FOXP2: variants seen among roughly 807,000 people sequenced by gnomAD.
FOXP2 encodes forkhead box P2, also known as forkhead box protein P2.
A neutral mutation model predicts 115.8 loss-of-function variants in FOXP2; 12 were observed. The observed-to-expected ratio is 0.10, with a 90% CI of 0.07 to 0.17. The LOEUF (loss-of-function observed/expected upper bound fraction) is 0.17. FOXP2 is among the 10% of genes least tolerant of loss of function. FOXP2 has a pLI of 1.00. For missense variants in FOXP2, 629 were observed against 843.5 expected (o/e 0.75, Z 3.15); for synonymous variants, 328 against 297.7 (o/e 1.10, Z -1.05).
At chr7:114,575,089 C>T (rs1269553752) in intron 3 of FOXP2, among the ~76,000 whole-genome samples, 1 of 151,780 alleles carries the variant, frequency 6.6e-6, no homozygotes, top group Non-Finnish European at 1.5e-5. Context: ...TGAGGCTTTA[C>T]ATAAATCCTA....
At chr7:114,564,797 C>T (rs909797607) in intron 3 of FOXP2, among the ~76,000 whole-genome samples, 8 of 150,374 alleles carry the variant, frequency 5.3e-5, no homozygotes, top group Non-Finnish European at 8.8e-5. Flanking sequence ...GAGAGGATTA[C>T]TTGATCCTAA....
intron 2 of FOXP2, among the ~76,000 whole-genome samples, chr7:114,515,864 A>T (rs1798315369): frequency 1.3e-5 from 2 of 152,130 alleles, no homozygotes; most frequent in African/African-American, 4.8e-5. Flanking sequence ...GATGTGAAGG[A>T]CCTCTTCAAG....
Position 114,491,091 on chromosome 7 carries a change from A to G in FOXP2, c.169-43526A>G, listed in dbSNP as rs950828578. Among the ~76,000 whole-genome samples, 17 of 152,332 alleles carry G rather than the reference A, an allele frequency of 1.1e-4. No homozygotes were observed. The East Asian group carries it at 2.3e-3, about 21-fold the overall frequency. On this transcript the variant is annotated intron_variant, in intron 2 of 16. Coordinates refer to ENST00000350908, the MANE Select transcript of FOXP2 (RefSeq NM_014491.4). ...CTGAGGAATCGCCACACTGACTTCCACAATGGTTGAACTAGTTTACAGACC... is the reference window on the plus strand; with the variant it reads ...CTGAGGAATCGCCACACTGACTTCCGCAATGGTTGAACTAGTTTACAGACC...
At chr7:114,117,777 G>A (rs62468059) in intron 1 of FOXP2, among the ~76,000 whole-genome samples, 2,560 of 152,200 alleles carry the variant, frequency 0.017, 36 homozygotes, top group Non-Finnish European at 0.026. Flanking sequence ...CAACAAAAAT[G>A]TATTTCTCTT....
chr7:114,212,179 G>C (rs1473594917), intron 1 of FOXP2, among the ~76,000 whole-genome samples: 1 of 151,278 alleles, frequency 6.6e-6, no homozygotes, highest in Non-Finnish European at 1.5e-5. Flanking sequence ...AGTGCAGACA[G>C]GATCTTAAAA....
At chr7:114,189,091 C>T (rs1245660908) in intron 1 of FOXP2, among the ~76,000 whole-genome samples, 1 of 152,022 alleles carries the variant, frequency 6.6e-6, no homozygotes, top group Non-Finnish European at 1.5e-5. Context: ...AAAAAATGTG[C>T]TTAACTTCCT....
intron 8 of FOXP2, among the ~76,000 whole-genome samples, chr7:114,649,668 T>G (rs1412552750): frequency 6.6e-6 from 1 of 152,130 alleles, no homozygotes; most frequent in Non-Finnish European, 1.5e-5. Flanking sequence ...ACTATTTCTG[T>G]ACTTTGATTG....
intron 2 of FOXP2, among the ~76,000 whole-genome samples, chr7:114,385,349 C>T (rs1352652721): frequency 3.9e-5 from 6 of 152,154 alleles, no homozygotes; most frequent in Admixed American, 6.5e-5. Context: ...TTTGCGGCTA[C>T]GCTTTCAAGA....
intron 3 of FOXP2, among the ~76,000 whole-genome samples, chr7:114,556,848 GA>G (rs1800483686): frequency 6.6e-6 from 1 of 152,024 alleles, no homozygotes; most frequent in Non-Finnish European, 1.5e-5. Flanking sequence ...ATCTCTATAA[GA>G]ATATCAGATA....
At chr7:114,377,239 G>C (rs1414968121) in intron 2 of FOXP2, among the ~76,000 whole-genome samples, 1 of 152,172 alleles carries the variant, frequency 6.6e-6, no homozygotes, top group Non-Finnish European at 1.5e-5. Context: ...AATATAGAAT[G>C]AGAAATCCAA....
chr7:114,393,062 C>T (rs1232650912), intron 2 of FOXP2, among the ~76,000 whole-genome samples: 1 of 152,070 alleles, frequency 6.6e-6, no homozygotes, highest in Non-Finnish European at 1.5e-5. Flanking sequence ...ATATAATGAA[C>T]TTAGCATAGT....
chr7:114,276,750 A>C (rs993192337), intron 1 of FOXP2, among the ~76,000 whole-genome samples: 1 of 152,104 alleles, frequency 6.6e-6, no homozygotes, highest in Non-Finnish European at 1.5e-5. Context: ...AGTGGTTTGC[A>C]CTGCATCCTG....
chr7:114,435,911 C>A (rs1198620413), intron 2 of FOXP2, among the ~76,000 whole-genome samples: 1 of 152,008 alleles, frequency 6.6e-6, no homozygotes, highest in Non-Finnish European at 1.5e-5. Context: ...AAAATGATGG[C>A]AGATTTATAT....
At position 114,176,290 on chromosome 7, in the gene FOXP2, TTCTTTCTTTC is replaced by T. The variant is rs756717020; in HGVS notation, c.-102+13206_-102+13215del. On this transcript the variant is annotated intron_variant, in intron 1 of 17. Coordinates refer to the FOXP2 transcript ENST00000634411. The stretch of plus-strand genomic sequence containing the variant: ...TTTCTTTCTTTCTTTCTTTCTTTCT[TTCTTTCTTTC>T]TCTCTCTCTCTCTCTCTCTCTTTCT... 3.4e-3 allele frequency among the ~76,000 whole-genome samples: 127 copies of T among 37,722 alleles called. 1 individual carries two copies. The highest frequency in any genetic ancestry group is 6.1e-3 in the Non-Finnish European group (78 of 12,736). The allele number at this position is 37,722 out of a possible 152,430, so 24.7% of individuals were successfully genotyped here.
chr7:114,538,138 A>G (rs1190016748), intron 3 of FOXP2, among the ~76,000 whole-genome samples: 1 of 151,700 alleles, frequency 6.6e-6, no homozygotes, highest in African/African-American at 2.4e-5. Context: ...TAGAAAGAGT[A>G]AGTTAACACA....
intron 3 of FOXP2, among the ~76,000 whole-genome samples, chr7:114,627,292 G>A (rs1804643763): frequency 2.0e-5 from 3 of 151,636 alleles, no homozygotes; most frequent in South Asian, 2.1e-4. Context: ...ATCTTTTTTG[G>A]TTTTGAAAGA....
intron 2 of FOXP2, among the ~76,000 whole-genome samples, chr7:114,292,346 G>C (rs1432539121): frequency 6.6e-6 from 1 of 152,130 alleles, no homozygotes; most frequent in African/African-American, 2.4e-5. Context: ...TTTTCATAGA[G>C]TTTTCTTACA....
At chr7:114,655,287 T>G (rs188992761) in intron 10 of FOXP2, among the ~76,000 whole-genome samples, 3 of 152,270 alleles carry the variant, frequency 2.0e-5, no homozygotes, top group African/African-American at 7.2e-5. Flanking sequence ...TTCCAATTAA[T>G]TATTCAATCA....
chr7:114,480,456 G>A (rs1017111269), intron 2 of FOXP2, among the ~76,000 whole-genome samples: 1 of 151,140 alleles, frequency 6.6e-6, no homozygotes, highest in Non-Finnish European at 1.5e-5. Context: ...AGAAAAAAAA[G>A]ATGCCTTATT....
Sources: gnomAD v4.1 joint callset for allele counts (sites outside exome capture counted in the v4.1 genomes callset) on GRCh38, gnomAD v4.1.1 for gene constraint, MANE v1.5 for transcripts, NCBI Gene and HGNC (gene_info 2026-07-23, HGNC 2026-07-21) for gene names.